Variants in EFHC2 observed in about 807,000 individuals in gnomAD.
EFHC2 encodes the protein EF-hand domain containing 2.
Under a neutral mutation model 52.7 loss-of-function variants are expected in EFHC2, and 18 were observed. The observed-to-expected ratio is 0.34, with a 90% CI of 0.24 to 0.51. The LOEUF (loss-of-function observed/expected upper bound fraction) is 0.51, where lower values mean the gene tolerates loss of function less well. Among genes scored for constraint, EFHC2 ranks in the 20% least tolerant of loss-of-function variants. EFHC2 has a pLI of 0.97. For synonymous variants in EFHC2, 203 were observed against 204.1 expected, an observed-to-expected ratio of 0.99 and a Z score of 0.04; for missense variants, 513 against 562.5, an observed-to-expected ratio of 0.91 and a Z score of 0.89.
intron 13 of EFHC2, among the ~76,000 whole-genome samples, chrX:44,166,619 G>A (rs957065882): frequency 3.6e-5 from 4 of 111,591 alleles, no homozygotes; most frequent in African/African-American, 1.3e-4. Context: ...AATAAAATAA[G>A]TTTCTCTATC....
chrX:44,242,517 AAAAG>A (rs2037368241), intron 7 of EFHC2, among the ~76,000 whole-genome samples: 1 of 110,966 alleles, frequency 9.0e-6, no homozygotes, highest in Non-Finnish European at 1.9e-5. Flanking sequence ...AAAAAAAAAA[AAAAG>A]AATCTATGTC....
chrX:44,282,028 A>G (rs2037705698), intron 2 of EFHC2, among the ~76,000 whole-genome samples: 1 of 110,634 alleles, frequency 9.0e-6, no homozygotes, highest in Non-Finnish European at 1.9e-5. Context: ...TAAAATTCCT[A>G]CCTCCTCTCA....
At chrX:44,173,818 A>G (rs910052265) in intron 13 of EFHC2, among the ~76,000 whole-genome samples, 12 of 112,097 alleles carry the variant, frequency 1.1e-4, no homozygotes, top group Non-Finnish European at 2.1e-4. Flanking sequence ...CAGTCTGCTG[A>G]GAGAATGAGA....
chrX:44,241,848 G>A (rs1202594949), intron 8 of EFHC2, among the ~76,000 whole-genome samples: 1 of 111,636 alleles, frequency 9.0e-6, no homozygotes, highest in African/African-American at 3.3e-5. Flanking sequence ...CCTATTTTCG[G>A]GAGACAGATA....
At chrX:44,316,983 A>G (rs1035602766) in intron 1 of EFHC2, among the ~76,000 whole-genome samples, 1 of 112,013 alleles carries the variant, frequency 8.9e-6, no homozygotes, top group Non-Finnish European at 1.9e-5. Flanking sequence ...AAGAGTTACT[A>G]TTGTTACTAC....
intron 11 of EFHC2, among the ~76,000 whole-genome samples, chrX:44,190,524 G>A (rs1430508859): frequency 8.9e-6 from 1 of 111,813 alleles, no homozygotes; most frequent in Non-Finnish European, 1.9e-5. Flanking sequence ...CATTTATGGT[G>A]AGGATTTCTC....
At chrX:44,215,363 G>A (rs2147308006) in intron 11 of EFHC2, among the ~76,000 whole-genome samples, 1 of 110,784 alleles carries the variant, frequency 9.0e-6, no homozygotes, top group South Asian at 3.8e-4. Context: ...CCACTCAATA[G>A]CACCAAAAAT....
chrX:44,283,146 C>T (rs1269776809), intron 2 of EFHC2, among the ~76,000 whole-genome samples: 2 of 111,717 alleles, frequency 1.8e-5, no homozygotes, highest in Admixed American at 9.5e-5. Flanking sequence ...TCCAAAGGGC[C>T]TTGTATTCCA....
At chrX:44,217,194 G>A (rs2037157631) in intron 11 of EFHC2, among the ~76,000 whole-genome samples, 4 of 111,192 alleles carry the variant, frequency 3.6e-5, no homozygotes, top group African/African-American at 1.3e-4. Flanking sequence ...CAGTTAAAAT[G>A]GCTCATATCC....
In EFHC2 at chrX:44,148,230, C is replaced by CGTGTGTGTGT. The variant is rs34889083; in HGVS notation, c.*555_*564dup. 4.7e-3 allele frequency: 484 copies of CGTGTGTGTGT among 101,903 alleles called. 1 individual carries two copies. The highest frequency in any genetic ancestry group is 6.4e-3 in the Non-Finnish European group (321 of 50,210). 8.4% of individuals were successfully genotyped at this position (101,903 alleles called of 1,213,427 possible). On this transcript the variant is annotated 3_prime_UTR_variant, in exon 15 of 15. Transcript: ENST00000420999. ...TATGTTTCCAGTGTGTGTGCACGTG[C>CGTGTGTGTGT]GTGTGTGTGTGTGTGTGTGTGTGTG...
chrX:44,245,665 C>T (rs1287477244), intron 7 of EFHC2, among the ~76,000 whole-genome samples: 3 of 112,178 alleles, frequency 2.7e-5, no homozygotes, highest in African/African-American at 9.7e-5. Flanking sequence ...CCTTAGAATC[C>T]TTAAATGTAT....
chrX:44,263,017 C>T (rs1205757567), intron 3 of EFHC2, among the ~76,000 whole-genome samples: 4 of 112,219 alleles, frequency 3.6e-5, no homozygotes, highest in Non-Finnish European at 7.5e-5. Context: ...GCTATATAAA[C>T]ATCCTTGAAG....
intron 1 of EFHC2, among the ~76,000 whole-genome samples, chrX:44,313,918 G>A (rs182823979): frequency 1.8e-3 from 206 of 111,512 alleles, no homozygotes; most frequent in Non-Finnish European, 2.4e-3. Flanking sequence ...TCATGCCACT[G>A]CACTCCAGCC....
chrX:44,283,911 C>T (rs963684415), intron 2 of EFHC2: 4 of 109,336 alleles, frequency 3.7e-5, no homozygotes, highest in Non-Finnish European at 5.7e-5. Context: ...CCCTCCAGCT[C>T]TGGGGCCCGT....
intron 13 of EFHC2, among the ~76,000 whole-genome samples, chrX:44,165,004 C>T (rs1294519055): frequency 1.8e-5 from 2 of 111,436 alleles, no homozygotes; most frequent in South Asian, 7.5e-4. Context: ...TGTAATGCCT[C>T]AATGCCACCT....
chrX:44,187,599 C>T (rs949046715), intron 11 of EFHC2, among the ~76,000 whole-genome samples: 4 of 111,295 alleles, frequency 3.6e-5, no homozygotes, highest in African/African-American at 1.3e-4. Context: ...CCAGCTTAGG[C>T]AACATAGCAA....
At chrX:44,245,560 G>A (rs1744877860) in intron 7 of EFHC2, among the ~76,000 whole-genome samples, 1 of 112,089 alleles carries the variant, frequency 8.9e-6, no homozygotes, top group Non-Finnish European at 1.9e-5. Context: ...GCTACAGCCT[G>A]GCAGGCAAGC....
chrX:44,227,647 C>A (rs1254605993), intron 11 of EFHC2, among the ~76,000 whole-genome samples: 1 of 111,755 alleles, frequency 8.9e-6, no homozygotes, highest in African/African-American at 3.3e-5. Flanking sequence ...GGAGAAGACA[C>A]ACACAGCACA....
At chrX:44,287,841 G>T (rs1381052504) in intron 2 of EFHC2, among the ~76,000 whole-genome samples, 1 of 111,980 alleles carries the variant, frequency 8.9e-6, no homozygotes, top group Non-Finnish European at 1.9e-5. Flanking sequence ...AACCTTGGCA[G>T]TCCTTTCAGG....
Sources: gnomAD v4.1 joint callset for allele counts (sites outside exome capture counted in the v4.1 genomes callset) on GRCh38, gnomAD v4.1.1 for gene constraint, MANE v1.5 for transcripts, NCBI Gene and HGNC (gene_info 2026-07-23, HGNC 2026-07-21) for gene names.